The following THSD4 variants were observed in gnomAD, a reference collection of about 807,000 sequenced individuals.
THSD4 encodes thrombospondin type 1 domain containing 4, also known as thrombospondin type-1 domain-containing protein 4.
Under a neutral mutation model 119.0 loss-of-function variants are expected in THSD4, and 69 were observed. That is an observed-to-expected ratio of 0.58 (90% CI 0.48 to 0.71). The LOEUF is 0.71. THSD4 is among the 30% of genes least tolerant of loss of function. The pLI, the probability that THSD4 is intolerant of heterozygous loss-of-function variation, is 0.00. For synonymous variants in THSD4, 524 were observed against 540.4 expected (o/e 0.97, Z 0.42); for missense variants, 1,393 against 1,391.1 (o/e 1.00, Z -0.02).
chr15:71,326,966 A>C (rs1050488742), intron 6 of THSD4, among the ~76,000 whole-genome samples: 2 of 151,328 alleles, frequency 1.3e-5, no homozygotes, highest in Middle Eastern at 3.4e-3. Flanking sequence ...CCGGGAGTTC[A>C]AGACTAGCCT....
rs939448518 is a variant in THSD4 at position 71,197,002 on chromosome 15, C to G, written c.100-18033C>G. Among the ~76,000 whole-genome samples, 8 of 152,182 alleles carry G rather than the reference C, an allele frequency of 5.3e-5. No individual in the cohort carries two copies. The East Asian group carries it at 1.5e-3, about 29-fold the overall frequency. ...AACCCACTATGCATTCATTAGGTAG[C>G]TTCCATCTGCCTGGCCTTGTATTTG... On this transcript the variant is annotated intron_variant, in intron 3 of 17. Transcript: ENST00000261862.
intron 10 of THSD4, chr15:71,732,882 GA>G (rs1376206384): frequency 6.6e-6 from 1 of 152,200 alleles, no homozygotes; most frequent in African/African-American, 2.4e-5. Context: ...CTTTGGACGG[GA>G]TAACCAGGTT....
chr15:71,356,713 G>GT (rs1389861545), intron 6 of THSD4, among the ~76,000 whole-genome samples: 3 of 152,118 alleles, frequency 2.0e-5, no homozygotes, highest in African/African-American at 7.2e-5. Flanking sequence ...CTCATGCAGG[G>GT]TGCTGCCCTC....
chr15:71,576,227 AAG>A (rs2049446758), intron 7 of THSD4, among the ~76,000 whole-genome samples: 1 of 152,234 alleles, frequency 6.6e-6, no homozygotes, highest in African/African-American at 2.4e-5. Context: ...GTGGTTGAAT[AAG>A]AGAAAAATAT....
intron 7 of THSD4, among the ~76,000 whole-genome samples, chr15:71,605,313 G>A (rs2050088812): frequency 6.6e-6 from 1 of 152,204 alleles, no homozygotes. Flanking sequence ...AAACGTCCTG[G>A]TTTGGATGAG....
intron 6 of THSD4, among the ~76,000 whole-genome samples, chr15:71,306,078 T>G (rs979598893): frequency 6.6e-6 from 1 of 151,894 alleles, no homozygotes; most frequent in African/African-American, 2.4e-5. Context: ...GAGGCTGAGG[T>G]GGGCAGATCA....
intron 10 of THSD4, chr15:71,732,558 T>A (rs2053001068): frequency 6.6e-6 from 1 of 152,242 alleles, no homozygotes; most frequent in African/African-American, 2.4e-5. Context: ...CATTGAGTCC[T>A]TGCTGTGTGC....
intron 6 of THSD4, among the ~76,000 whole-genome samples, chr15:71,298,466 G>A (rs1402634469): frequency 6.6e-6 from 1 of 152,074 alleles, no homozygotes; most frequent in Non-Finnish European, 1.5e-5. Flanking sequence ...TATCAGCTAT[G>A]TATACTGTAA....
At chr15:71,694,105 A>C (rs766539231) in intron 8 of THSD4, among the ~76,000 whole-genome samples, 8 of 152,134 alleles carry the variant, frequency 5.3e-5, no homozygotes, top group Non-Finnish European at 1.0e-4. Context: ...CTCTCAGATG[A>C]AGGTGGACCC....
At chr15:71,566,496 G>A (rs1043830518) in intron 7 of THSD4, among the ~76,000 whole-genome samples, 4 of 152,102 alleles carry the variant, frequency 2.6e-5, no homozygotes, top group African/African-American at 9.7e-5. Context: ...TAACTAGCTT[G>A]CTGAATATAA....
intron 6 of THSD4, among the ~76,000 whole-genome samples, chr15:71,410,634 CAG>C (rs1169313723): frequency 2.0e-5 from 3 of 152,296 alleles, no homozygotes; most frequent in Middle Eastern, 3.4e-3. Flanking sequence ...CCTAGAGTGA[CAG>C]AGAAGCCACT....
chr15:71,103,317 G>C (rs1411190291), intron 1 of THSD4, among the ~76,000 whole-genome samples: 1 of 152,176 alleles, frequency 6.6e-6, no homozygotes, highest in East Asian at 1.9e-4. Context: ...CTGGACTGGG[G>C]TCTACCTTGC....
chr15:71,198,940 C>T (rs968962785), intron 3 of THSD4, among the ~76,000 whole-genome samples: 2 of 152,232 alleles, frequency 1.3e-5, no homozygotes, highest in African/African-American at 4.8e-5. Context: ...AATTTAACTT[C>T]ATTAATAGCA....
At chr15:71,518,305 T>C (rs187015622) in intron 7 of THSD4, among the ~76,000 whole-genome samples, 64 of 152,294 alleles carry the variant, frequency 4.2e-4, no homozygotes, top group African/African-American at 1.3e-3. Flanking sequence ...TGGAAATTTT[T>C]ATCTGTCAGC....
At chr15:71,156,783 T>C (rs1307678957) in intron 3 of THSD4, among the ~76,000 whole-genome samples, 3 of 152,214 alleles carry the variant, frequency 2.0e-5, no homozygotes, top group East Asian at 1.9e-4. Context: ...TCCGTGAAAG[T>C]AGGAACTTAC....
chr15:71,163,181 G>T (rs1404475207), intron 3 of THSD4, among the ~76,000 whole-genome samples: 7 of 151,052 alleles, frequency 4.6e-5, no homozygotes, highest in Admixed American at 6.6e-5. Context: ...TCCTTTAGGG[G>T]TATAATATTT....
intron 1 of THSD4, among the ~76,000 whole-genome samples, chr15:71,105,241 C>T (rs941777037): frequency 1.3e-5 from 2 of 152,124 alleles, no homozygotes; most frequent in African/African-American, 4.8e-5. Flanking sequence ...TTGGGGTTTC[C>T]CCTACCCACC....
intron 4 of THSD4, among the ~76,000 whole-genome samples, chr15:71,237,955 A>G (rs1028891350): frequency 5.9e-5 from 9 of 152,186 alleles, no homozygotes; most frequent in Non-Finnish European, 1.5e-5. Flanking sequence ...TAGCAACAGC[A>G]ATTTTCCCAG....
chr15:71,401,751 G>A (rs1269447788), intron 6 of THSD4, among the ~76,000 whole-genome samples: 3 of 152,032 alleles, frequency 2.0e-5, no homozygotes, highest in Non-Finnish European at 2.9e-5. Flanking sequence ...CCCATTACTG[G>A]GTACATACCC....
Sources: gnomAD v4.1 joint callset for allele counts (sites outside exome capture counted in the v4.1 genomes callset) on GRCh38, gnomAD v4.1.1 for gene constraint, MANE v1.5 for transcripts, NCBI Gene and HGNC (gene_info 2026-07-23, HGNC 2026-07-21) for gene names.